The following ARMC12 variants were observed in gnomAD, a reference collection of about 807,000 sequenced individuals.
ARMC12 encodes the protein armadillo repeat containing 12.
A neutral mutation model predicts 37.4 loss-of-function variants in ARMC12; 25 were observed. That is an observed-to-expected ratio of 0.67 (90% CI 0.49 to 0.93). The LOEUF (loss-of-function observed/expected upper bound fraction) is 0.93. ARMC12 is among the 40% of genes least tolerant of loss of function. ARMC12 has a pLI of 0.00. For missense variants in ARMC12, 384 were observed against 426.6 expected, an observed-to-expected ratio of 0.90 and a Z score of 0.88; for synonymous variants, 167 against 176.1, an observed-to-expected ratio of 0.95 and a Z score of 0.41.
chr6:35,746,044 CAATAA>C (rs1391460397), intron 3 of ARMC12, among the ~76,000 whole-genome samples: 2 of 150,448 alleles, frequency 1.3e-5, no homozygotes, highest in African/African-American at 2.5e-5. Context: ...AGACGGTCTC[CAATAA>C]AATAAAATAA....
chr6:35,746,910 G>A (rs949019141), intron 3 of ARMC12, among the ~76,000 whole-genome samples: 7 of 151,824 alleles, frequency 4.6e-5, no homozygotes, highest in African/African-American at 1.7e-4. Flanking sequence ...TTCAGGGGAG[G>A]GACAACATAG....
At chr6:35,747,733 C>A in intron 5 of ARMC12, 86 bp downstream of exon 5, 2 of 1,384,038 alleles carry the variant, frequency 1.4e-6, no homozygotes, top group Non-Finnish European at 2.0e-6. Context: ...GACAGATTTA[C>A]CCCTGATGAA....
Position 35,738,248 on chromosome 6 carries a change from C to G in ARMC12, c.309+76C>G. ...GGCCGATCCCTGCCCCTGGAATGGC[C>G]AGACTATATCCTGGGACCTCTCTCT... On this transcript the variant is annotated intron_variant, in intron 2 of 5. Coordinates refer to ENST00000373866, the MANE Select transcript of ARMC12 (RefSeq NM_001286574.2). The G allele has an allele frequency of 4.0e-6, 6 of 1,496,056 alleles. No homozygotes were observed. The East Asian group carries it at 1.4e-4, about 34-fold the overall frequency. The allele number at this position is 1,496,056 out of a possible 1,614,324, so 92.7% of individuals were successfully genotyped here. A position where few individuals can be genotyped will look rare whatever the true frequency, so the allele number is the denominator to read the frequency against.
rs111517175 is a variant in ARMC12 at position 35,745,146 on chromosome 6, A to C, written c.445-2115A>C. Among the ~76,000 whole-genome samples the C allele has an allele frequency of 6.2e-3, 950 of 152,346 alleles. 9 individuals are homozygous for C. Among genetic ancestry groups the C allele is most frequent in the Middle Eastern group, 0.024 (7 of 294 alleles). On this transcript the variant is annotated intron_variant, in intron 3 of 5. Transcript: ENST00000373866. ...CTTTATCCTAGAGAAATGAAAACTT[A>C]TATCTGCACAAAAACCAGTACACGA...
chr6:35,747,132 G>C, intron 3 of ARMC12, 129 bp from the exon 4 acceptor site: 1 of 932,098 alleles, frequency 1.1e-6, no homozygotes, highest in Admixed American at 3.0e-5. Flanking sequence ...ATTATGTTGA[G>C]AGTTAGGGAG....
At position 35,747,363 on chromosome 6, in the gene ARMC12, G is replaced by A; in HGVS notation, c.547G>A (p.Val183Met). Residue 183 changes from valine to methionine, a missense_variant, in exon 4 of 6, where the codon GTG becomes ATG. Physicochemically the swap from Val to Met is conservative, Grantham distance 21 (BLOSUM62 1). Coordinates refer to ENST00000373866, the MANE Select transcript of ARMC12 (RefSeq NM_001286574.2). ...LLNNLPLPDY[V>M]HPQLRRVMPA... ...CAACAACCTTCCACTGCCCGACTATGTGCATCCACAGCTGCGACGGGTGAT... is the reference window on the plus strand; with the variant it reads ...CAACAACCTTCCACTGCCCGACTATATGCATCCACAGCTGCGACGGGTGAT... The A allele has an allele frequency of 2.5e-6, 4 of 1,614,176 alleles. No individual in the cohort carries two copies. Among genetic ancestry groups the A allele is most frequent in the Non-Finnish European group, 3.4e-6 (4 of 1,180,040 alleles).
upstream of ARMC12, among the ~76,000 whole-genome samples, chr6:35,732,597 G>A (rs1440965818): frequency 6.6e-6 from 1 of 152,192 alleles, no homozygotes; most frequent in East Asian, 1.9e-4. Context: ...CGTCACCCTC[G>A]GGAATGGCGG....
chr6:35,747,057 T>TAAAAAAAAAAAAAAAAAAAAAAA (rs74403253), intron 3 of ARMC12, among the ~76,000 whole-genome samples: 2 of 82,526 alleles, frequency 2.4e-5, no homozygotes, highest in Admixed American at 1.4e-4. Context: ...AAGAAGTCTG[T>TAAAAAAAAAAAAAAAAAAAAAAA]AAAAAAAAAA....
chr6:35,742,646 C>A (rs2151042081), intron 3 of ARMC12, among the ~76,000 whole-genome samples: 1 of 152,194 alleles, frequency 6.6e-6, no homozygotes, highest in East Asian at 1.9e-4. Context: ...AGGGCCTGAC[C>A]CCTGGTCTCT....
intron 3 of ARMC12, among the ~76,000 whole-genome samples, chr6:35,741,051 A>C (rs1312697570): frequency 2.6e-5 from 4 of 151,894 alleles, no homozygotes; most frequent in Admixed American, 2.6e-4. Flanking sequence ...GGGTGTGCTC[A>C]GTGAGTACGG....
intron 3 of ARMC12, among the ~76,000 whole-genome samples, chr6:35,741,206 C>T (rs575447724): frequency 6.6e-6 from 1 of 152,188 alleles, no homozygotes; most frequent in Admixed American, 6.5e-5. Flanking sequence ...TTTCCAGGTG[C>T]TTGTCACACT....
In ARMC12 at chr6:35,738,287, G is replaced by GGGC. The variant is rs1554141440; in HGVS notation, c.310-95_310-94insCGG. 16 of 1,015,778 alleles carry GGGC rather than the reference G, an allele frequency of 1.6e-5. No individual in the cohort carries two copies. The African/African-American group carries it at 3.5e-4, about 22-fold the overall frequency. 62.9% of individuals were successfully genotyped at this position (1,015,778 alleles called of 1,614,324 possible). On this transcript the variant is annotated intron_variant, in intron 2 of 5. Coordinates refer to ENST00000373866, the MANE Select transcript of ARMC12 (RefSeq NM_001286574.2). ...GGACCTCTCTCTGGCTGATAGCGGTGGGGGGGGGGTGTGCGGAGGGATCTT... is the reference window on the plus strand; with the variant it reads ...GGACCTCTCTCTGGCTGATAGCGGTGGGCGGGGGGGGGTGTGCGGAGGGATCTT...
At chr6:35,744,600 C>T (rs201228469) in intron 3 of ARMC12, among the ~76,000 whole-genome samples, 2 of 151,852 alleles carry the variant, frequency 1.3e-5, no homozygotes, top group Non-Finnish European at 2.9e-5. Flanking sequence ...ACTAAAAATA[C>T]AAAAACTAGC....
upstream of ARMC12, among the ~76,000 whole-genome samples, chr6:35,732,120 C>T (rs1171920514): frequency 1.3e-5 from 2 of 152,268 alleles, no homozygotes; most frequent in African/African-American, 2.4e-5. Context: ...GGCGCGGCCT[C>T]CTTCCCCCCG....
At chr6:35,745,016 C>T (rs1208632219) in intron 3 of ARMC12, among the ~76,000 whole-genome samples, 1 of 152,104 alleles carries the variant, frequency 6.6e-6, no homozygotes, top group Non-Finnish European at 1.5e-5. Context: ...TCATATATTG[C>T]TGGTGGGAAT....
chr6:35,736,650 G>A (rs1045921583), upstream of ARMC12, among the ~76,000 whole-genome samples: 5 of 151,418 alleles, frequency 3.3e-5, no homozygotes, highest in African/African-American at 1.2e-4. Context: ...TTGCTCTGTC[G>A]CTTAGGTTGG....
At chr6:35,747,539 A>C in intron 4 of ARMC12, 37 bp from the exon 5 acceptor site, 1 of 1,613,404 alleles carries the variant, frequency 6.2e-7, no homozygotes, top group Non-Finnish European at 8.5e-7. Context: ...GCCCAGACTC[A>C]CCTGCCTTCT....
At chr6:35,745,589 G>A (rs1430351951) in intron 3 of ARMC12, among the ~76,000 whole-genome samples, 1 of 152,186 alleles carries the variant, frequency 6.6e-6, no homozygotes, top group Non-Finnish European at 1.5e-5. Context: ...ATATGTGCAT[G>A]TGCTGAAATG....
At chr6:35,741,071 G>T (rs565956446) in intron 3 of ARMC12, among the ~76,000 whole-genome samples, 32 of 152,110 alleles carry the variant, frequency 2.1e-4, no homozygotes, top group Middle Eastern at 3.4e-3. Flanking sequence ...GGAGTACTAT[G>T]TTTCTCAGGC....
Sources: allele counts gnomAD v4.1 joint callset (sites outside exome capture counted in the v4.1 genomes callset), GRCh38; gene constraint gnomAD v4.1.1; transcripts MANE v1.5; gene names NCBI Gene and HGNC (gene_info 2026-07-23, HGNC 2026-07-21).